TCF12: variants seen among roughly 807,000 people sequenced by gnomAD.
TCF12 encodes transcription factor 12.
Under a neutral mutation model 86.0 loss-of-function variants are expected in TCF12, and 45 were observed. That is an observed-to-expected ratio of 0.52 (90% confidence interval 0.41 to 0.67). TCF12 has a LOEUF of 0.67. TCF12 is among the 30% of genes least tolerant of loss of function. The probability of loss-of-function intolerance (pLI) is 0.00; values close to 1 mark genes in which losing one functional copy is unlikely to be tolerated. For synonymous variants in TCF12, 330 were observed against 299.6 expected, an observed-to-expected ratio of 1.10 and a Z score of -1.05; for missense variants, 881 against 859.9, an observed-to-expected ratio of 1.02 and a Z score of -0.31.
intron 3 of TCF12, among the ~76,000 whole-genome samples, chr15:56,958,868 A>C (rs186333738): frequency 3.1e-4 from 47 of 152,204 alleles, no homozygotes; most frequent in Admixed American, 3.0e-3. Context: ...CAAATAAATA[A>C]ATAAGTAAAA....
At chr15:57,050,493 G>C (rs2067535737) in intron 3 of TCF12, among the ~76,000 whole-genome samples, 1 of 151,900 alleles carries the variant, frequency 6.6e-6, no homozygotes, top group Non-Finnish European at 1.5e-5. Flanking sequence ...CTTTGCGTTT[G>C]CACTTTAACA....
chr15:57,070,517 C>T (rs2069281169), intron 4 of TCF12, among the ~76,000 whole-genome samples: 1 of 152,148 alleles, frequency 6.6e-6, no homozygotes. Context: ...CATAAGCTTT[C>T]AGATTCTATG....
chr15:56,940,430 C>A (rs775842747), intron 3 of TCF12, among the ~76,000 whole-genome samples: 18 of 151,978 alleles, frequency 1.2e-4, no homozygotes, highest in Admixed American at 2.0e-4. Context: ...GACATGATGT[C>A]TTTAGCAATT....
intron 3 of TCF12, among the ~76,000 whole-genome samples, chr15:56,942,538 G>T (rs914675080): frequency 6.6e-6 from 1 of 152,110 alleles, no homozygotes; most frequent in Non-Finnish European, 1.5e-5. Flanking sequence ...TTTAGAAGAG[G>T]GTATTATAAA....
intron 4 of TCF12, among the ~76,000 whole-genome samples, chr15:57,075,963 A>C (rs1437674366): frequency 6.6e-6 from 1 of 150,734 alleles, no homozygotes; most frequent in East Asian, 2.0e-4. Context: ...CCCTGGGTTC[A>C]GGTGATCCTC....
chr15:57,065,190 A>G (rs1437926282), intron 4 of TCF12, among the ~76,000 whole-genome samples: 1 of 152,186 alleles, frequency 6.6e-6, no homozygotes, highest in East Asian at 1.9e-4. Context: ...CACTTTTGAG[A>G]ATCAGAGGCT....
chr15:57,150,855 C>T (rs1204621977), intron 5 of TCF12, among the ~76,000 whole-genome samples: 1 of 148,120 alleles, frequency 6.8e-6, no homozygotes, highest in African/African-American at 2.5e-5. Flanking sequence ...CCCTCCCTCC[C>T]TGTCTCTCCC....
intron 3 of TCF12, among the ~76,000 whole-genome samples, chr15:57,027,113 C>G (rs1375178931): frequency 6.6e-6 from 1 of 152,026 alleles, no homozygotes; most frequent in Non-Finnish European, 1.5e-5. Flanking sequence ...AAAACATACA[C>G]ATTTTAATGT....
intron 3 of TCF12, among the ~76,000 whole-genome samples, chr15:56,946,818 T>G (rs1393746105): frequency 7.2e-6 from 1 of 139,092 alleles, no homozygotes; most frequent in Non-Finnish European, 1.6e-5. Context: ...TTTTTTTTTT[T>G]GAGACAGAGT....
chr15:57,244,668 C>T (rs1342640922), intron 13 of TCF12, among the ~76,000 whole-genome samples: 3 of 152,010 alleles, frequency 2.0e-5, no homozygotes, highest in Non-Finnish European at 4.4e-5. Context: ...ACCATGTTGG[C>T]CAGGCATGTC....
chr15:57,021,380 C>T (rs1482653387), intron 3 of TCF12, among the ~76,000 whole-genome samples: 6 of 152,274 alleles, frequency 3.9e-5, no homozygotes, highest in South Asian at 4.1e-4. Flanking sequence ...GCATCGGGCG[C>T]GGTGGCTCAC....
chr15:56,990,228 CGTGTGTGTGTGTCT>C (rs1451306595), intron 3 of TCF12, among the ~76,000 whole-genome samples: 1 of 121,444 alleles, frequency 8.2e-6, no homozygotes, highest in Non-Finnish European at 1.6e-5. Context: ...TAATCTTTAT[CGTGTGTGTGTGTCT>C]GTGTGTGCGT....
chr15:57,051,053 T>C (rs1007021630), intron 3 of TCF12, among the ~76,000 whole-genome samples: 1 of 152,252 alleles, frequency 6.6e-6, no homozygotes, highest in Non-Finnish European at 1.5e-5. Flanking sequence ...TAATTTCATA[T>C]TGGAAAATGT....
chr15:57,166,017 T>A (rs143418154), intron 5 of TCF12, among the ~76,000 whole-genome samples: 1 of 152,322 alleles, frequency 6.6e-6, no homozygotes, highest in Non-Finnish European at 1.5e-5. Context: ...CATGCTACTT[T>A]ATATAGCTCA....
At chr15:57,167,578 G>A (rs779516002) in intron 6 of TCF12, among the ~76,000 whole-genome samples, 4 of 151,572 alleles carry the variant, frequency 2.6e-5, no homozygotes, top group Admixed American at 2.6e-4. Flanking sequence ...GAGAGAGAAA[G>A]GAGGGAAGGA....
At chr15:56,953,157 T>G (rs1595830982) in intron 3 of TCF12, among the ~76,000 whole-genome samples, 2 of 152,200 alleles carry the variant, frequency 1.3e-5, no homozygotes, top group East Asian at 3.9e-4. Flanking sequence ...CAGTGGTTAC[T>G]TTTTGATTGT....
Position 57,262,204 on chromosome 15 carries a change from T to C in TCF12, c.1578T>C (p.Tyr526=), listed in dbSNP as rs1176259049. Residue 526 remains tyrosine (Y), a synonymous_variant, in exon 17 of 21, where the codon TAT becomes TAC. Transcript: ENST00000333725. ...TDLNHKTQEN[Y]RGGLQSQSGT... ...TGAACCATAAAACACAAGAAAATTA[T>C]AGAGGTAACTATATTGTTGGTTTTC... is the stretch of plus-strand genomic sequence containing the variant. The C allele has an allele frequency of 1.9e-6, 3 of 1,597,142 alleles. No homozygotes were observed. Among genetic ancestry groups the C allele is most frequent in the Non-Finnish European group, 1.7e-6 (2 of 1,165,916 alleles).
At chr15:57,063,478 G>A (rs1159917494) in intron 3 of TCF12, among the ~76,000 whole-genome samples, 2 of 152,194 alleles carry the variant, frequency 1.3e-5, no homozygotes, top group African/African-American at 4.8e-5. Flanking sequence ...GTGCTGGATG[G>A]AGAGACTATG....
intron 5 of TCF12, among the ~76,000 whole-genome samples, chr15:57,155,646 A>G (rs2054064155): frequency 6.6e-6 from 1 of 152,120 alleles, no homozygotes; most frequent in South Asian, 2.1e-4. Flanking sequence ...ATGTTGTAAA[A>G]TTAACCTATG....
Sources: allele counts gnomAD v4.1 joint callset (sites outside exome capture counted in the v4.1 genomes callset), GRCh38; gene constraint gnomAD v4.1.1; transcripts MANE v1.5; gene names NCBI Gene and HGNC (gene_info 2026-07-23, HGNC 2026-07-21).